The following LONP2 variants were observed in gnomAD, a reference collection of about 807,000 sequenced individuals.
The protein encoded by LONP2 is lon protease homolog 2, peroxisomal.
In LONP2, 60 loss-of-function variants were observed where a neutral mutation model predicts 85.6. That is an observed-to-expected ratio of 0.70 (90% confidence interval 0.57 to 0.87). The LOEUF (loss-of-function observed/expected upper bound fraction) is 0.87, where lower values mean the gene tolerates loss of function less well. LONP2 is among the 40% of genes least tolerant of loss of function. The pLI, the probability that LONP2 is intolerant of heterozygous loss-of-function variation, is 0.00. For missense variants in LONP2, 860 were observed against 1,063.5 expected, an observed-to-expected ratio of 0.81 and a Z score of 2.66; for synonymous variants, 395 against 389.7, an observed-to-expected ratio of 1.01 and a Z score of -0.16.
chr16:48,302,584 G>A (rs780694916), intron 10 of LONP2, among the ~76,000 whole-genome samples: 9 of 152,230 alleles, frequency 5.9e-5, no homozygotes, highest in Non-Finnish European at 7.3e-5. Flanking sequence ...ACCACACATA[G>A]CATCTTTTTC....
intron 8 of LONP2, among the ~76,000 whole-genome samples, chr16:48,295,510 G>C (rs1972650484): frequency 6.6e-6 from 1 of 152,128 alleles, no homozygotes; most frequent in African/African-American, 2.4e-5. Flanking sequence ...TCATAGCAAA[G>C]GTTACTCTTA....
In LONP2 at chr16:48,362,554, AG is replaced by A; in HGVS notation, c.*692del. 3 of 916,478 alleles carry A rather than the reference AG, an allele frequency of 3.3e-6. No homozygotes were observed. The highest frequency in any genetic ancestry group is 5.6e-5 in the Admixed American group (2 of 35,634). The allele number at this position is 916,478 out of a possible 1,614,324, so 56.8% of individuals were successfully genotyped here. A position where few individuals can be genotyped will look rare whatever the true frequency, so the allele number is the denominator to read the frequency against. On this transcript the variant is annotated 3_prime_UTR_variant, in exon 5 of 5. Coordinates refer to the LONP2 transcript ENST00000565867. The surrounding 1 kb of genome is among the most constrained non-coding windows in gnomAD (Gnocchi z 4.2). ...ACAAAATTTACTGAGCAAAAGAGGAAGAAAAATAGGATTAAAAAAGATATTA... is the reference window on the plus strand; with the variant it reads ...ACAAAATTTACTGAGCAAAAGAGGAAAAAAATAGGATTAAAAAAGATATTA...
chr16:48,314,314 C>T (rs920138692), intron 11 of LONP2, among the ~76,000 whole-genome samples: 4 of 152,186 alleles, frequency 2.6e-5, no homozygotes, highest in Middle Eastern at 3.4e-3. Context: ...TTAATTAGAT[C>T]CCATTTGTCA....
At chr16:48,258,572 G>A in intron 3 of LONP2, 46 bp from the exon 4 acceptor site, 1 of 1,538,398 alleles carries the variant, frequency 6.5e-7, no homozygotes, top group Non-Finnish European at 8.7e-7. Flanking sequence ...TTTTTGGATT[G>A]TGTGTTTCTG....
Position 48,279,113 on chromosome 16 carries a change from A to G in LONP2, c.1383+1634A>G, listed in dbSNP as rs912552895. ...ATTTTAAAATTTTACTTCTCTGACC[A>G]CTTGGTATATTAAAAAGAAAAAGAA... On this transcript the variant is annotated intron_variant, in intron 8 of 14. Transcript: ENST00000285737. 5.0e-4 allele frequency among the ~76,000 whole-genome samples: 76 copies of G among 152,148 alleles called. 1 individual carries two copies. Among genetic ancestry groups the G allele is most frequent in the African/African-American group, 1.7e-3 (72 of 41,520 alleles).
chr16:48,259,736 G>A (rs575812165), intron 4 of LONP2, among the ~76,000 whole-genome samples: 2 of 152,278 alleles, frequency 1.3e-5, no homozygotes, highest in African/African-American at 4.8e-5. Flanking sequence ...TCATGCTGGC[G>A]ATTAGTACTC....
At chr16:48,279,475 C>A (rs1173027437) in intron 8 of LONP2, among the ~76,000 whole-genome samples, 1 of 152,076 alleles carries the variant, frequency 6.6e-6, no homozygotes, top group Non-Finnish European at 1.5e-5. Flanking sequence ...TTCTGGGAAC[C>A]AAGCAGGGGA....
chr16:48,323,213 GTAGCT>G (rs1973302369), intron 11 of LONP2, among the ~76,000 whole-genome samples: 1 of 152,122 alleles, frequency 6.6e-6, no homozygotes, highest in Non-Finnish European at 1.5e-5. Flanking sequence ...TAAAGATATG[GTAGCT>G]TATAAAAATT....
chr16:48,323,831 A>G, intron 11 of LONP2, among the ~76,000 whole-genome samples: 1 of 152,236 alleles, frequency 6.6e-6, no homozygotes. Context: ...ACCAACAGAA[A>G]GAAAAAGGAT....
chr16:48,247,570 G>C (rs1971481368), intron 1 of LONP2: 1 of 152,292 alleles, frequency 6.6e-6, no homozygotes, highest in Non-Finnish European at 1.5e-5. Context: ...CCTTTTTAAA[G>C]GAGGAGCTTT....
At chr16:48,328,760 G>A (rs947413532) in intron 11 of LONP2, among the ~76,000 whole-genome samples, 3 of 144,530 alleles carry the variant, frequency 2.1e-5, no homozygotes, top group Non-Finnish European at 4.5e-5. Context: ...CATGAGAATC[G>A]CATGAACACA....
At chr16:48,307,959 G>A (rs1209160857) in intron 11 of LONP2, among the ~76,000 whole-genome samples, 1 of 152,070 alleles carries the variant, frequency 6.6e-6, no homozygotes, top group African/African-American at 2.4e-5. Context: ...AGGGAGCAAG[G>A]AAAGAGCCAG....
intron 8 of LONP2, among the ~76,000 whole-genome samples, chr16:48,282,497 T>G (rs761010494): frequency 4.6e-5 from 7 of 152,098 alleles, no homozygotes; most frequent in Non-Finnish European, 1.0e-4. Flanking sequence ...AACATCTTAC[T>G]TCATGTCTGT....
Position 48,244,427 on chromosome 16 carries a change from C to T in LONP2, c.39C>T (p.Leu13=). 6.3e-7 allele frequency: 1 copy of T among 1,586,012 alleles called. No individual in the cohort carries two copies. The highest frequency in any genetic ancestry group is 2.4e-5 in the East Asian group (1 of 42,440). The part of the protein sequence containing the change: ...SVSPIQIPSR[L]PLLLTHEGVL... Reference sequence around the variant, plus strand: ...GCCCCATCCAGATCCCCAGTCGCCTCCCGCTGCTGCTCACCCACGAGGGCG... The same window carrying T: ...GCCCCATCCAGATCCCCAGTCGCCTTCCGCTGCTGCTCACCCACGAGGGCG... Residue 13 remains leucine, a synonymous_variant, in exon 1 of 15, where the codon CTC becomes CTT. Transcript: ENST00000285737.
At chr16:48,319,216 C>T (rs1567339731) in intron 11 of LONP2, among the ~76,000 whole-genome samples, 2 of 151,920 alleles carry the variant, frequency 1.3e-5, no homozygotes, top group South Asian at 4.2e-4. Context: ...CCTGTCTCTA[C>T]TAAAAATAGA....
At chr16:48,316,112 A>C (rs1973137072) in intron 11 of LONP2, among the ~76,000 whole-genome samples, 1 of 151,730 alleles carries the variant, frequency 6.6e-6, no homozygotes, top group Non-Finnish European at 1.5e-5. Context: ...GATTCAAGCG[A>C]TTCTGATGTC....
rs781187098 is a variant in LONP2, at chr16:48,261,501, T to C, written c.801T>C (p.Asn267=). The C allele has an allele frequency of 1.9e-6, 3 of 1,607,592 alleles. No individual in the cohort carries two copies. Among genetic ancestry groups the C allele is most frequent in the Non-Finnish European group, 2.6e-6 (3 of 1,176,416 alleles). Residue 267 remains asparagine, a synonymous_variant, in exon 5 of 15, where the codon AAT becomes AAC. Coordinates refer to ENST00000285737, the MANE Select transcript of LONP2 (RefSeq NM_031490.5). ...AAGATGAAGATGAAGATGAAGATAA[T>C]GATGACATTGTCATGCTAGAGAAAA... ...TLEDEDEDED[N]DDIVMLEKKI...
At chr16:48,255,801 G>T (rs1971746950) in intron 2 of LONP2, among the ~76,000 whole-genome samples, 1 of 152,120 alleles carries the variant, frequency 6.6e-6, no homozygotes, top group Non-Finnish European at 1.5e-5. Context: ...TACCATGTAA[G>T]ACAGGCCTTT....
chr16:48,260,988 G>A (rs530136800), intron 4 of LONP2, among the ~76,000 whole-genome samples: 43 of 152,314 alleles, frequency 2.8e-4, no homozygotes, highest in South Asian at 1.7e-3. Flanking sequence ...AGAGCCAGTG[G>A]TGGAAAGGTT....
Sources: gnomAD v4.1 joint callset for allele counts (sites outside exome capture counted in the v4.1 genomes callset) on GRCh38, gnomAD v4.1.1 for gene constraint, Gnocchi (gnomAD v3.1) non-coding constraint, MANE v1.5 for transcripts, NCBI Gene and HGNC (gene_info 2026-07-23, HGNC 2026-07-21) for gene names.